The following GRID2 variants were observed in gnomAD, a reference collection of about 807,000 sequenced individuals.
GRID2 encodes the protein glutamate ionotropic receptor delta type subunit 2.
In GRID2, 33 loss-of-function variants were observed where a neutral mutation model predicts 114.8. The observed-to-expected ratio is 0.29, with a 90% CI of 0.22 to 0.38. The LOEUF (loss-of-function observed/expected upper bound fraction) is 0.38, where lower values mean the gene tolerates loss of function less well. Among genes scored for constraint, GRID2 ranks in the 10% least tolerant of loss-of-function variants. The probability of loss-of-function intolerance (pLI) is 1.00; values close to 1 mark genes in which losing one functional copy is unlikely to be tolerated. For missense variants in GRID2, 1,184 were observed against 1,257.7 expected (o/e 0.94, Z 0.89); for synonymous variants, 505 against 449.9 (o/e 1.12, Z -1.55).
At chr4:92,889,178 C>T (rs934858080) in intron 2 of GRID2, among the ~76,000 whole-genome samples, 3 of 151,984 alleles carry the variant, frequency 2.0e-5, no homozygotes, top group Non-Finnish European at 2.9e-5. Context: ...TAATTTTTAC[C>T]GTTTAAGTAT....
At chr4:93,069,935 T>A (rs2149303875) in intron 2 of GRID2, among the ~76,000 whole-genome samples, 1 of 152,176 alleles carries the variant, frequency 6.6e-6, no homozygotes, top group Non-Finnish European at 1.5e-5. Flanking sequence ...GTAGGAAAAA[T>A]GGGGGCTTAC....
intron 2 of GRID2, among the ~76,000 whole-genome samples, chr4:92,758,630 C>T (rs1314076896): frequency 1.3e-5 from 2 of 152,096 alleles, no homozygotes; most frequent in African/African-American, 4.8e-5. Context: ...TCAGGCAATT[C>T]ACTTATCAGG....
chr4:93,590,531 G>A (rs369616827), intron 13 of GRID2, among the ~76,000 whole-genome samples: 55 of 151,268 alleles, frequency 3.6e-4, no homozygotes, highest in Middle Eastern at 3.4e-3. Flanking sequence ...TTGACTTGGC[G>A]ATGCGGGCTC....
At chr4:92,368,371 TG>T (rs1728969614) in intron 1 of GRID2, among the ~76,000 whole-genome samples, 1 of 152,052 alleles carries the variant, frequency 6.6e-6, no homozygotes, top group African/African-American at 2.4e-5. Flanking sequence ...CCAAATATGA[TG>T]GGCCTTTATT....
Position 92,540,122 on chromosome 4 carries a change from T to G in GRID2, c.89-50009T>G, listed in dbSNP as rs1725853342. 2.0e-5 allele frequency among the ~76,000 whole-genome samples: 3 copies of G among 152,266 alleles called. No homozygotes were observed. In the South Asian group the frequency reaches 6.2e-4, roughly 32 times the overall value. ...AGAAAGCTGAAACTGGATCCCTTCT[T>G]TACACCTTATACAAAAATTAATTCA... On this transcript the variant is annotated intron_variant, in intron 1 of 15. Transcript: ENST00000282020.
chr4:93,009,654 A>G (rs1344903209), intron 2 of GRID2, among the ~76,000 whole-genome samples: 4 of 152,082 alleles, frequency 2.6e-5, no homozygotes, highest in African/African-American at 9.7e-5. Flanking sequence ...ATCTGAATTC[A>G]GGAATTTTTT....
At chr4:92,897,580 A>C (rs1307035404) in intron 2 of GRID2, among the ~76,000 whole-genome samples, 2 of 152,218 alleles carry the variant, frequency 1.3e-5, no homozygotes, top group Non-Finnish European at 2.9e-5. Context: ...GTTGCATTGC[A>C]GAATAGTTAT....
intron 1 of GRID2, among the ~76,000 whole-genome samples, chr4:92,526,706 A>G (rs1725062146): frequency 6.6e-6 from 1 of 150,840 alleles, no homozygotes; most frequent in Admixed American, 6.7e-5. Flanking sequence ...GCATTAAAAT[A>G]AACACCTATC....
At chr4:93,171,847 CA>C (rs1738856614) in intron 4 of GRID2, among the ~76,000 whole-genome samples, 2 of 152,094 alleles carry the variant, frequency 1.3e-5, no homozygotes, top group African/African-American at 2.4e-5. Flanking sequence ...CACTCAAGTT[CA>C]TAGTTCTTTT....
rs377452372 is a variant in GRID2, at chr4:93,155,940, C to T, written c.735+44987C>T. Among the ~76,000 whole-genome samples the T allele has an allele frequency of 5.5e-3, 841 of 151,544 alleles. 10 individuals carry two copies. Among genetic ancestry groups the T allele is most frequent in the African/African-American group, 0.019 (806 of 41,402 alleles). Reference sequence around the variant, plus strand: ...AGGGTGAATATGGCCAGCAATAATTCATTGTATATTTAAAAATCTAAAAGA... The same window carrying T: ...AGGGTGAATATGGCCAGCAATAATTTATTGTATATTTAAAAATCTAAAAGA... On this transcript the variant is annotated intron_variant, in intron 4 of 15. Transcript: ENST00000282020.
chr4:93,800,164 T>C (rs1371356), intron 1 of GRID2, among the ~76,000 whole-genome samples: 12,766 of 152,158 alleles, frequency 0.084, 722 homozygotes, highest in East Asian at 0.2. Context: ...ATGGTAACCA[T>C]AGCAAGGGAA....
intron 2 of GRID2, among the ~76,000 whole-genome samples, chr4:93,027,742 A>G (rs1438320238): frequency 6.6e-6 from 1 of 152,138 alleles, no homozygotes; most frequent in African/African-American, 2.4e-5. Context: ...ATGTTAGCTC[A>G]TATTATTTTG....
intron 4 of GRID2, among the ~76,000 whole-genome samples, chr4:93,171,677 A>T (rs1292325617): frequency 6.6e-6 from 1 of 152,206 alleles, no homozygotes; most frequent in Non-Finnish European, 1.5e-5. Flanking sequence ...GAGGAGGTTT[A>T]CGAAGAAAAG....
At chr4:92,767,264 T>TCTTGTGAAACAAAGGTGC (rs1738312695) in intron 2 of GRID2, among the ~76,000 whole-genome samples, 1 of 152,156 alleles carries the variant, frequency 6.6e-6, no homozygotes, top group East Asian at 1.9e-4. Flanking sequence ...TGATGATTGC[T>TCTTGTGAAACAAAGGTGC]CTTGTGAAAC....
chr4:93,695,967 A>G (rs1354932448), intron 14 of GRID2, among the ~76,000 whole-genome samples: 1 of 152,230 alleles, frequency 6.6e-6, no homozygotes, highest in Non-Finnish European at 1.5e-5. Context: ...AAGCCAAGCA[A>G]CATACTGAGA....
chr4:93,135,869 A>G (rs1242565226), intron 4 of GRID2, among the ~76,000 whole-genome samples: 1 of 152,204 alleles, frequency 6.6e-6, no homozygotes, highest in Non-Finnish European at 1.5e-5. Context: ...CCTGCCAACA[A>G]TAACAACAAA....
chr4:92,897,186 A>C (rs1747230281), intron 2 of GRID2, among the ~76,000 whole-genome samples: 1 of 152,124 alleles, frequency 6.6e-6, no homozygotes, highest in Non-Finnish European at 1.5e-5. Context: ...ATATTATTTT[A>C]AATGTCTCTG....
intron 2 of GRID2, among the ~76,000 whole-genome samples, chr4:92,666,163 TTC>T (rs1428080040): frequency 1.3e-5 from 2 of 151,610 alleles, no homozygotes; most frequent in African/African-American, 4.8e-5. Flanking sequence ...AATGCACTGA[TTC>T]TTTTTCTGCC....
intron 1 of GRID2, among the ~76,000 whole-genome samples, chr4:92,564,961 C>A (rs1358853559): frequency 6.6e-6 from 1 of 151,844 alleles, no homozygotes; most frequent in African/African-American, 2.4e-5. Flanking sequence ...TTGCTGTTCC[C>A]CTATCAAGTG....
Sources: gnomAD v4.1 joint callset for allele counts (sites outside exome capture counted in the v4.1 genomes callset) on GRCh38, gnomAD v4.1.1 for gene constraint, MANE v1.5 for transcripts, NCBI Gene and HGNC (gene_info 2026-07-23, HGNC 2026-07-21) for gene names.